PRKG1: variants seen among roughly 807,000 people sequenced by gnomAD.
The protein encoded by PRKG1 is cGMP-dependent protein kinase 1.
Under a neutral mutation model 88.1 loss-of-function variants are expected in PRKG1, and 35 were observed. The observed-to-expected ratio is 0.40, with a 90% CI of 0.30 to 0.53. PRKG1 has a LOEUF of 0.53. Among genes scored for constraint, PRKG1 ranks in the 20% least tolerant of loss-of-function variants. PRKG1 has a pLI of 0.59. For synonymous variants in PRKG1, 303 were observed against 292.5 expected (o/e 1.04, Z -0.37); for missense variants, 540 against 839.8 (o/e 0.64, Z 4.41).
intron 3 of PRKG1, among the ~76,000 whole-genome samples, chr10:51,469,689 C>T: frequency 6.6e-6 from 1 of 151,744 alleles, no homozygotes; most frequent in East Asian, 1.9e-4. Context: ...TCAGAACATC[C>T]ATCTTCAAAG....
intron 3 of PRKG1, among the ~76,000 whole-genome samples, chr10:51,644,681 C>A (rs1013698739): frequency 6.6e-6 from 1 of 152,022 alleles, no homozygotes; most frequent in African/African-American, 2.4e-5. Context: ...TCTTCAATGA[C>A]CCTTAATTCC....
chr10:51,350,040 T>C (rs1842206003), intron 2 of PRKG1, among the ~76,000 whole-genome samples: 1 of 152,220 alleles, frequency 6.6e-6, no homozygotes, highest in African/African-American at 2.4e-5. Flanking sequence ...TAGGGTCATA[T>C]AATAATAACC....
intron 9 of PRKG1, among the ~76,000 whole-genome samples, chr10:52,235,937 G>A (rs1334214074): frequency 4.6e-4 from 35 of 76,782 alleles, no homozygotes; most frequent in Admixed American, 1.1e-3. Flanking sequence ...CTCAGCAAAT[G>A]TAAAAGAACA....
chr10:51,079,799 T>A (rs2131848016), intron 1 of PRKG1, among the ~76,000 whole-genome samples: 2 of 152,300 alleles, frequency 1.3e-5, no homozygotes, highest in South Asian at 4.1e-4. Flanking sequence ...GTCCTGTTAA[T>A]AGTCGTAACT....
Position 51,016,673 on chromosome 10 carries a change from C to CTTTTT in PRKG1, c.266+25044_266+25048dup, listed in dbSNP as rs71029341. ...AGTGAAGAAGGTATTATTATCCTTT[C>CTTTTT]TTTTTTTTTTTTTTTTTTTGGAATC... On this transcript the variant is annotated intron_variant, in intron 1 of 17. Coordinates refer to the PRKG1 transcript ENST00000401604. 3.5e-3 allele frequency among the ~76,000 whole-genome samples: 124 copies of CTTTTT among 35,164 alleles called. 17 individuals are homozygous for CTTTTT. The highest frequency in any genetic ancestry group is 0.014 in the East Asian group (18 of 1,246). The allele number at this position is 35,164 out of a possible 152,430, so 23.1% of individuals were successfully genotyped here.
chr10:52,291,244 T>TTATTTTTG (rs1293554016), intron 17 of PRKG1, among the ~76,000 whole-genome samples: 1 of 59,720 alleles, frequency 1.7e-5, no homozygotes. Context: ...TTTTATTTTT[T>TTATTTTTG]TATTTTTTTA....
chr10:52,000,417 G>A (rs971757262), intron 5 of PRKG1, among the ~76,000 whole-genome samples: 1 of 152,104 alleles, frequency 6.6e-6, no homozygotes, highest in African/African-American at 2.4e-5. Flanking sequence ...TATTTATTGT[G>A]TATTTTCATC....
chr10:51,371,387 A>G (rs529459592), intron 2 of PRKG1, among the ~76,000 whole-genome samples: 9 of 150,360 alleles, frequency 6.0e-5, no homozygotes, highest in African/African-American at 1.7e-4. Flanking sequence ...AAATAAAAGA[A>G]AAAAAAACAT....
In PRKG1 at chr10:51,931,836, ATT is replaced by A. The variant is rs1842701993; in HGVS notation, c.762+24271_762+24272del. 1.3e-5 allele frequency among the ~76,000 whole-genome samples: 2 copies of A among 152,174 alleles called. 1 individual carries two copies. The highest frequency in any genetic ancestry group is 4.1e-4 in the South Asian group (2 of 4,834). ...TTCACATTTATGAAATGTAGTTATA[ATT>A]TTTTCTTATTCAAGTATTTGTGGGA... On this transcript the variant is annotated intron_variant, in intron 5 of 17. Transcript: ENST00000373980.
At chr10:52,035,024 T>C (rs916056819) in intron 5 of PRKG1, among the ~76,000 whole-genome samples, 53 of 152,146 alleles carry the variant, frequency 3.5e-4, no homozygotes, top group African/African-American at 1.3e-3. Context: ...ATAAGGGACA[T>C]AAAGGTTTCA....
chr10:51,638,165 G>A (rs1839705871), intron 3 of PRKG1, among the ~76,000 whole-genome samples: 1 of 152,162 alleles, frequency 6.6e-6, no homozygotes, highest in Non-Finnish European at 1.5e-5. Context: ...AATTTTACAG[G>A]AGAAATCATA....
chr10:51,195,124 T>C (rs560029261), intron 2 of PRKG1, among the ~76,000 whole-genome samples: 1 of 152,328 alleles, frequency 6.6e-6, no homozygotes, highest in East Asian at 1.9e-4. Flanking sequence ...TAGAAATTGA[T>C]GGAAACTTAT....
intron 3 of PRKG1, among the ~76,000 whole-genome samples, chr10:51,675,568 C>T (rs1840689975): frequency 6.6e-6 from 1 of 152,136 alleles, no homozygotes; most frequent in African/African-American, 2.4e-5. Context: ...TTAGTAAGTA[C>T]TTACTCAAAA....
chr10:51,950,938 C>A (rs1422416354), intron 5 of PRKG1, among the ~76,000 whole-genome samples: 1 of 152,172 alleles, frequency 6.6e-6, no homozygotes, highest in South Asian at 2.1e-4. Context: ...TGGGGGTGGT[C>A]CCCCAATGGT....
At chr10:51,675,724 C>A (rs1466568158) in intron 3 of PRKG1, among the ~76,000 whole-genome samples, 3 of 152,130 alleles carry the variant, frequency 2.0e-5, no homozygotes, top group Admixed American at 6.5e-5. Context: ...AATTTGGATA[C>A]ATTTAAAAAT....
intron 2 of PRKG1, among the ~76,000 whole-genome samples, chr10:51,316,679 T>A (rs1588830585): frequency 7.3e-6 from 1 of 137,646 alleles, no homozygotes. Flanking sequence ...CAAGACTCCG[T>A]CTCAAAAAAT....
intron 2 of PRKG1, among the ~76,000 whole-genome samples, chr10:51,342,889 C>T (rs944870259): frequency 1.4e-4 from 21 of 152,262 alleles, no homozygotes; most frequent in African/African-American, 4.1e-4. Context: ...GTTGCAGTAA[C>T]ATTCAGTCCT....
intron 1 of PRKG1, among the ~76,000 whole-genome samples, chr10:51,043,441 A>G (rs1464580353): frequency 6.6e-6 from 1 of 152,188 alleles, no homozygotes; most frequent in Non-Finnish European, 1.5e-5. Flanking sequence ...GAAAATTTCC[A>G]TGACTACACA....
chr10:51,546,127 T>C (rs1349092820), intron 3 of PRKG1, among the ~76,000 whole-genome samples: 1 of 152,048 alleles, frequency 6.6e-6, no homozygotes, highest in Admixed American at 6.6e-5. Flanking sequence ...AGCCAGATAA[T>C]TCATGAGTTT....
Sources: gnomAD v4.1 joint callset for allele counts (sites outside exome capture counted in the v4.1 genomes callset) on GRCh38, gnomAD v4.1.1 for gene constraint, MANE v1.5 for transcripts, NCBI Gene and HGNC (gene_info 2026-07-23, HGNC 2026-07-21) for gene names.